The following PDZRN4 variants were observed in gnomAD, a reference collection of about 807,000 sequenced individuals.
PDZRN4 encodes PDZ domain containing ring finger 4.
A neutral mutation model predicts 99.0 loss-of-function variants in PDZRN4; 70 were observed. That is an observed-to-expected ratio of 0.71 (90% confidence interval 0.58 to 0.86). The LOEUF is 0.86. Ranked by LOEUF, PDZRN4 falls within the 40% of genes least tolerant of loss-of-function variation. The pLI is 0.00. For missense variants in PDZRN4, 1,474 were observed against 1,331.2 expected (o/e 1.11, Z -1.67); for synonymous variants, 551 against 501.6 (o/e 1.10, Z -1.32).
chr12:41,448,108 G>A (rs1952744553), intron 3 of PDZRN4, among the ~76,000 whole-genome samples: 1 of 152,070 alleles, frequency 6.6e-6, no homozygotes, highest in South Asian at 2.1e-4. Context: ...ATGGGAAGGT[G>A]ACTTGTCACT....
At chr12:41,568,678 A>T (rs1484785957) in intron 9 of PDZRN4, among the ~76,000 whole-genome samples, 1 of 152,116 alleles carries the variant, frequency 6.6e-6, no homozygotes, top group African/African-American at 2.4e-5. Context: ...TTCCCATTTT[A>T]CAAAAACAAG....
At chr12:41,282,287 A>G (rs2120888278) in intron 3 of PDZRN4, among the ~76,000 whole-genome samples, 1 of 152,348 alleles carries the variant, frequency 6.6e-6, no homozygotes, top group South Asian at 2.1e-4. Flanking sequence ...AGCATTACAT[A>G]ATGGTAAAGG....
At chr12:41,521,594 C>T (rs1178756677) in intron 5 of PDZRN4, among the ~76,000 whole-genome samples, 1 of 151,976 alleles carries the variant, frequency 6.6e-6, no homozygotes, top group Admixed American at 6.6e-5. Flanking sequence ...CATAAGGAGG[C>T]TATAGAAGCA....
intron 3 of PDZRN4, among the ~76,000 whole-genome samples, chr12:41,376,170 A>G (rs1022903373): frequency 1.3e-5 from 2 of 152,142 alleles, no homozygotes; most frequent in African/African-American, 4.8e-5. Context: ...GCTATTGTGA[A>G]TAATGTGAAC....
chr12:41,395,436 T>G (rs757717134), intron 3 of PDZRN4, among the ~76,000 whole-genome samples: 7 of 152,182 alleles, frequency 4.6e-5, no homozygotes, highest in Non-Finnish European at 1.0e-4. Flanking sequence ...GACCTTGGCT[T>G]CATCTTCTGG....
chr12:41,473,085 T>C (rs1953008429), intron 3 of PDZRN4, among the ~76,000 whole-genome samples: 1 of 151,936 alleles, frequency 6.6e-6, no homozygotes, highest in African/African-American at 2.4e-5. Context: ...TTGGGTAAGA[T>C]ATTACAGTTT....
intron 3 of PDZRN4, among the ~76,000 whole-genome samples, chr12:41,441,293 C>T (rs984359781): frequency 2.0e-5 from 3 of 152,172 alleles, no homozygotes; most frequent in Non-Finnish European, 2.9e-5. Flanking sequence ...CAGAAGTAGA[C>T]TAGCACTAGT....
intron 3 of PDZRN4, among the ~76,000 whole-genome samples, chr12:41,204,892 A>G (rs1950838543): frequency 6.6e-6 from 1 of 151,924 alleles, no homozygotes; most frequent in Non-Finnish European, 1.5e-5. Context: ...CAAATATGTC[A>G]TCTTCCCTCT....
chr12:41,329,638 T>C (rs1310828795), intron 3 of PDZRN4, among the ~76,000 whole-genome samples: 1 of 152,132 alleles, frequency 6.6e-6, no homozygotes, highest in Non-Finnish European at 1.5e-5. Context: ...ATTTTTTCTT[T>C]AATATAATTG....
chr12:41,197,967 T>G lies in PDZRN4; in HGVS notation c.843+3779T>G, dbSNP rs542643224. ...TCTTGCTCTGTCACCTAGGCTGGAA[T>G]GCAGTGGCATGATCACAGCTCACTG... On this transcript the variant is annotated intron_variant, in intron 3 of 9. Transcript: ENST00000402685. Among the ~76,000 whole-genome samples the G allele has an allele frequency of 5.1e-4, 73 of 142,100 alleles. No individual in the cohort carries two copies. In the East Asian group the frequency reaches 0.015, roughly 30 times the overall value. The allele number at this position is 142,100 out of a possible 152,430, so 93.2% of individuals were successfully genotyped here. A position where few individuals can be genotyped will look rare whatever the true frequency, so the allele number is the denominator to read the frequency against.
At chr12:41,489,170 T>C (rs184271866) in intron 3 of PDZRN4, among the ~76,000 whole-genome samples, 165 of 152,268 alleles carry the variant, frequency 1.1e-3, no homozygotes, top group African/African-American at 3.8e-3. Flanking sequence ...TCTCCCAATG[T>C]AGCCCAGGGA....
intron 3 of PDZRN4, among the ~76,000 whole-genome samples, chr12:41,458,809 G>A (rs1952842463): frequency 6.6e-6 from 1 of 152,132 alleles, no homozygotes; most frequent in Non-Finnish European, 1.5e-5. Flanking sequence ...GAGCTGGCTT[G>A]GAAGACATGG....
At chr12:41,297,329 A>G (rs7958391) in intron 3 of PDZRN4, among the ~76,000 whole-genome samples, 9,341 of 152,206 alleles carry the variant, frequency 0.061, 832 homozygotes, top group African/African-American at 0.2. Flanking sequence ...ATTGGACTAA[A>G]ATAAATTTTT....
intron 3 of PDZRN4, among the ~76,000 whole-genome samples, chr12:41,365,676 G>A (rs2121068525): frequency 6.6e-6 from 1 of 152,184 alleles, no homozygotes; most frequent in South Asian, 2.1e-4. Context: ...GCCCGAATCA[G>A]TCTCTCCAGG....
At chr12:41,238,737 C>T (rs949683617) in intron 3 of PDZRN4, among the ~76,000 whole-genome samples, 2 of 151,512 alleles carry the variant, frequency 1.3e-5, no homozygotes, top group Non-Finnish European at 2.9e-5. Flanking sequence ...TAAAAAACCT[C>T]AGAATGGCTA....
chr12:41,370,850 T>C (rs982492699), intron 3 of PDZRN4, among the ~76,000 whole-genome samples: 3 of 151,902 alleles, frequency 2.0e-5, no homozygotes, highest in Non-Finnish European at 2.9e-5. Flanking sequence ...TCATTGACTG[T>C]TTATTTTTAT....
At chr12:41,241,895 G>T (rs1022339672) in intron 3 of PDZRN4, among the ~76,000 whole-genome samples, 1 of 152,202 alleles carries the variant, frequency 6.6e-6, no homozygotes, top group Non-Finnish European at 1.5e-5. Context: ...GAACTTTCCA[G>T]TATAGCTTTG....
At chr12:41,210,241 A>T (rs1950879330) in intron 3 of PDZRN4, among the ~76,000 whole-genome samples, 3 of 152,012 alleles carry the variant, frequency 2.0e-5, no homozygotes, top group African/African-American at 7.2e-5. Context: ...TAGATTCTGG[A>T]TATTAGCCCT....
chr12:41,515,122 A>T (rs1214985358), intron 5 of PDZRN4, among the ~76,000 whole-genome samples: 1 of 152,068 alleles, frequency 6.6e-6, no homozygotes, highest in African/African-American at 2.4e-5. Context: ...CTGTCCATTC[A>T]GAGATGGCTC....
Sources: allele counts gnomAD v4.1 joint callset (sites outside exome capture counted in the v4.1 genomes callset), GRCh38; gene constraint gnomAD v4.1.1; transcripts MANE v1.5; gene names NCBI Gene and HGNC (gene_info 2026-07-23, HGNC 2026-07-21).